RNF216: variants seen among roughly 807,000 people sequenced by gnomAD.
RNF216 encodes the protein ring finger protein 216.
Under a neutral mutation model 110.8 loss-of-function variants are expected in RNF216, and 72 were observed. The observed-to-expected ratio is 0.65, with a 90% confidence interval of 0.54 to 0.79. The LOEUF (loss-of-function observed/expected upper bound fraction) is 0.79, where lower values mean the gene tolerates loss of function less well. Among genes scored for constraint, RNF216 ranks in the 30% least tolerant of loss-of-function variants. The pLI is 0.00. For missense variants in RNF216, 1,342 were observed against 1,141.2 expected (o/e 1.18, Z -2.54); for synonymous variants, 495 against 407.5 (o/e 1.21, Z -2.59).
chr7:5,648,553 G>A (rs1423502810), intron 14 of RNF216, among the ~76,000 whole-genome samples: 4 of 151,218 alleles, frequency 2.6e-5, no homozygotes, highest in East Asian at 2.0e-4. Context: ...GTGAAACCCC[G>A]TCTCTACTAA....
chr7:5,775,472 C>A (rs1485949627), intron 1 of RNF216, among the ~76,000 whole-genome samples: 1 of 152,094 alleles, frequency 6.6e-6, no homozygotes, highest in African/African-American at 2.4e-5. Context: ...CCTGGCTCTC[C>A]AGAATACTTC....
intron 13 of RNF216, among the ~76,000 whole-genome samples, chr7:5,665,646 T>C (rs1405639604): frequency 1.3e-5 from 2 of 151,976 alleles, no homozygotes; most frequent in African/African-American, 2.4e-5. Flanking sequence ...CTTTTTACTA[T>C]ACTATGGGGA....
intron 13 of RNF216, among the ~76,000 whole-genome samples, chr7:5,667,342 A>G (rs1182751294): frequency 6.6e-6 from 1 of 152,226 alleles, no homozygotes; most frequent in Non-Finnish European, 1.5e-5. Flanking sequence ...AAAAGCCATT[A>G]ATTTAGAATT....
At chr7:5,649,037 C>T (rs1428518091) in intron 14 of RNF216, among the ~76,000 whole-genome samples, 1 of 152,162 alleles carries the variant, frequency 6.6e-6, no homozygotes, top group African/African-American at 2.4e-5. Context: ...AAATGACATG[C>T]TGTCAGGGAT....
At chr7:5,635,697 G>A (rs1281121217) in intron 15 of RNF216, among the ~76,000 whole-genome samples, 1 of 152,210 alleles carries the variant, frequency 6.6e-6, no homozygotes, top group Admixed American at 6.5e-5. Context: ...AATGACCCGG[G>A]TGGAAACCCA....
intron 1 of RNF216, among the ~76,000 whole-genome samples, chr7:5,781,210 G>C (rs537446565): frequency 6.6e-6 from 1 of 152,174 alleles, no homozygotes; most frequent in Non-Finnish European, 1.5e-5. Flanking sequence ...CGGGCCCGGG[G>C]GAGGGAAGCG....
intron 1 of RNF216, among the ~76,000 whole-genome samples, chr7:5,771,184 G>T (rs1796475535): frequency 6.6e-6 from 1 of 152,116 alleles, no homozygotes; most frequent in Non-Finnish European, 1.5e-5. Context: ...TCTACTATAT[G>T]ATGCTGTACT....
At chr7:5,651,681 GCT>G (rs1788399430) in intron 14 of RNF216, among the ~76,000 whole-genome samples, 1 of 150,988 alleles carries the variant, frequency 6.6e-6, no homozygotes, top group South Asian at 2.1e-4. Flanking sequence ...ACGGAGTCTC[GCT>G]CTGTTGGCAG....
chr7:5,675,714 C>CTTTTTTT (rs754444984), intron 13 of RNF216, among the ~76,000 whole-genome samples: 1 of 141,222 alleles, frequency 7.1e-6, no homozygotes, highest in Non-Finnish European at 1.5e-5. Context: ...TATTCAAATT[C>CTTTTTTT]TTTTTTTTTT....
At chr7:5,637,907 G>A (rs1378855123) in intron 15 of RNF216, among the ~76,000 whole-genome samples, 4 of 152,150 alleles carry the variant, frequency 2.6e-5, no homozygotes, top group Non-Finnish European at 4.4e-5. Flanking sequence ...GTGCGGTGGC[G>A]CGATCTTGGC....
intron 8 of RNF216, among the ~76,000 whole-genome samples, chr7:5,721,905 G>A (rs1793449255): frequency 6.6e-6 from 1 of 152,198 alleles, no homozygotes; most frequent in Non-Finnish European, 1.5e-5. Context: ...TTTTGTACTT[G>A]TTTCACTGAT....
chr7:5,633,896 C>A (rs914984164), intron 15 of RNF216, among the ~76,000 whole-genome samples: 1 of 152,328 alleles, frequency 6.6e-6, no homozygotes, highest in East Asian at 1.9e-4. Context: ...CAAACATCCT[C>A]CCTTAGCTTG....
intron 4 of RNF216, among the ~76,000 whole-genome samples, chr7:5,740,218 CTG>C (rs939175850): frequency 2.0e-5 from 3 of 147,510 alleles, no homozygotes; most frequent in Non-Finnish European, 4.5e-5. Flanking sequence ...GCTCTGCCTC[CTG>C]GGTTCACACC....
intron 5 of RNF216, among the ~76,000 whole-genome samples, chr7:5,737,574 G>A (rs1794500183): frequency 6.6e-6 from 1 of 151,870 alleles, no homozygotes. Context: ...TCTGATGACA[G>A]TGGTTGCCTC....
chr7:5,660,943 GTTTTTTTTTTTT>G (rs1168463360), intron 13 of RNF216, among the ~76,000 whole-genome samples: 1 of 90,164 alleles, frequency 1.1e-5, no homozygotes, highest in Non-Finnish European at 2.0e-5. Context: ...GAAGCCTTAG[GTTTTTTTTTTTT>G]TTTTTTTTTT....
At position 5,623,003 on chromosome 7, in the gene RNF216, G is replaced by C. The variant is rs745745214; in HGVS notation, c.2629C>G (p.Pro877Ala). The change falls in exon 17 of 17, where the codon CCA becomes GCA. Residue 877 changes from proline to alanine, a missense_variant. Physicochemically the swap from Pro to Ala is conservative, Grantham distance 27. Transcript: ENST00000389902. ...GCTGGGATAGGCCCCATGTTGAGTG[G>C]GAAGTTGTTGAACACAGGCCGCACG... ...PPVRPVFNNF[P>A]LNMGPIPAPY... 1.2e-6 allele frequency: 2 copies of C among 1,614,112 alleles called. No homozygotes were observed. The highest frequency in any genetic ancestry group is 2.2e-5 in the South Asian group (2 of 91,082).
In RNF216 at chr7:5,725,437, G is replaced by T; in HGVS notation, c.1391C>A (p.Ala464Asp). 2.5e-6 allele frequency: 4 copies of T among 1,576,614 alleles called. No individual in the cohort carries two copies. The highest frequency in any genetic ancestry group is 3.5e-6 in the Non-Finnish European group (4 of 1,148,992). ...LKGHYAITRK[A>D]LSDAIKKWQE... ...CCATTTTTTAATGGCATCAGACAAG[G>T]CCTAAAAATTGAGAAAAGGAAAGGT... The change falls in exon 8 of 17, where the codon GCC becomes GAC. Residue 464 changes from alanine to aspartate, a missense_variant and splice_region_variant. Ala to Asp is a moderately radical substitution (Grantham distance 126). Coordinates refer to ENST00000389902, the MANE Select transcript of RNF216 (RefSeq NM_207111.4).
chr7:5,646,501 G>C (rs1175978468), intron 14 of RNF216, among the ~76,000 whole-genome samples: 1 of 151,950 alleles, frequency 6.6e-6, no homozygotes, highest in African/African-American at 2.4e-5. Context: ...AGACTATCCT[G>C]GCTAACACGG....
At chr7:5,659,074 A>C (rs552866225) in intron 13 of RNF216, among the ~76,000 whole-genome samples, 1 of 152,316 alleles carries the variant, frequency 6.6e-6, no homozygotes, top group African/African-American at 2.4e-5. Flanking sequence ...CTTCTGATGT[A>C]GGACACTAGC....
Sources: gnomAD v4.1 joint callset for allele counts (sites outside exome capture counted in the v4.1 genomes callset) on GRCh38, gnomAD v4.1.1 for gene constraint, MANE v1.5 for transcripts, NCBI Gene and HGNC (gene_info 2026-07-23, HGNC 2026-07-21) for gene names.